LAMC3: variants seen among roughly 807,000 people sequenced by gnomAD.
The protein encoded by LAMC3 is laminin subunit gamma 3.
A neutral mutation model predicts 173.8 loss-of-function variants in LAMC3; 128 were observed. The observed-to-expected ratio is 0.74, with a 90% CI of 0.64 to 0.85. The LOEUF is 0.85. LAMC3 is among the 40% of genes least tolerant of loss of function. The pLI is 0.00. For synonymous variants in LAMC3, 897 were observed against 909.1 expected, an observed-to-expected ratio of 0.99 and a Z score of 0.24; for missense variants, 2,022 against 2,156.0, an observed-to-expected ratio of 0.94 and a Z score of 1.23.
intron 1 of LAMC3, among the ~76,000 whole-genome samples, chr9:131,018,792 G>C (rs1039773946): frequency 1.3e-5 from 2 of 152,310 alleles, no homozygotes; most frequent in Admixed American, 1.3e-4. Flanking sequence ...CTGCCAGCCT[G>C]AACTACAGGC....
intron 14 of LAMC3, 88 bp downstream of exon 14, chr9:131,067,293 G>T: frequency 6.5e-7 from 1 of 1,534,864 alleles, no homozygotes. Flanking sequence ...GGTGGCTGAG[G>T]AACCCACCAG....
chr9:131,033,021 C>T (rs1318958714), intron 3 of LAMC3, among the ~76,000 whole-genome samples: 2 of 152,212 alleles, frequency 1.3e-5, no homozygotes, highest in Admixed American at 6.5e-5. Flanking sequence ...CTCTCTGGCC[C>T]GTGGTCCTGG....
Position 131,026,552 on chromosome 9 carries a change from C to A in LAMC3, c.641C>A (p.Pro214His). The A allele has an allele frequency of 2.5e-6, 4 of 1,607,686 alleles. No individual in the cohort carries two copies. In the South Asian group the frequency reaches 4.4e-5, roughly 18 times the overall value. ...NVAFSTLEGR[P>H]SAYNFEESPG... ...GCCTTCTCCACCCTGGAGGGCCGGC[C>A]CAGCGCCTACAACTTCGAGGAGAGC... Residue 214 changes from proline (P) to histidine (H), a missense_variant, in exon 2 of 28, where the codon CCC becomes CAC. Coordinates refer to ENST00000361069, the MANE Select transcript of LAMC3 (RefSeq NM_006059.4). This position sits in a 1 kb window ranked among gnomAD's most constrained non-coding sequence, Gnocchi z 4.8.
At chr9:131,082,529 G>A (rs2133345162) in intron 24 of LAMC3, among the ~76,000 whole-genome samples, 1 of 152,294 alleles carries the variant, frequency 6.6e-6, no homozygotes, top group South Asian at 2.1e-4. Context: ...GTTGAGTTGG[G>A]GCTATGGGAA....
rs1318853603 is a variant in LAMC3 at position 131,009,240 on chromosome 9, G to GGCTGGCGCT, written c.33_41dup (p.Leu12_Ala14dup). ...ATGGCGGCGGCTGCGCTTCTGCTGG[G>GGCTGGCGCT]GCTGGCGCTGCTGGCACCGCGGGCG... On this transcript the variant is annotated inframe_insertion, in exon 1 of 28. Transcript: ENST00000361069. This position sits in a 1 kb window ranked among gnomAD's most constrained non-coding sequence, Gnocchi z 4.3. The GGCTGGCGCT allele has an allele frequency of 7.9e-7, 1 of 1,272,818 alleles. No individual in the cohort carries two copies. The highest frequency in any genetic ancestry group is 1.6e-5 in the African/African-American group (1 of 63,666). 78.8% of individuals were successfully genotyped at this position (1,272,818 alleles called of 1,614,324 possible).
In LAMC3 at chr9:131,072,630, G is replaced by T. The variant is rs1348743522; in HGVS notation, c.3212G>T (p.Gly1071Val). ...CCCCTGGGCTGTGGGCTTCCCATAG[G>T]GGCTCGGGAAGCCTTCCTGGAGCAG... is the stretch of plus-strand genomic sequence containing the variant. ...DVYQGHHLLPGAREAFLEQMM... is the reference protein window; with the variant it reads ...DVYQGHHLLPVAREAFLEQMM... The change falls in exon 19 of 28, where the codon GGG becomes GTG. Residue 1071 changes from glycine to valine, a missense_variant and splice_region_variant. Gly to Val is a moderately radical substitution (Grantham distance 109, BLOSUM62 -3). Transcript: ENST00000361069. The T allele has an allele frequency of 6.2e-7, 1 of 1,608,138 alleles. No homozygotes were observed. Among genetic ancestry groups the T allele is most frequent in the South Asian group, 1.1e-5 (1 of 90,024 alleles).
intron 1 of LAMC3, among the ~76,000 whole-genome samples, chr9:131,023,642 C>T (rs1421754189): frequency 6.6e-6 from 1 of 152,150 alleles, no homozygotes; most frequent in Non-Finnish European, 1.5e-5. Flanking sequence ...GAGTCTCACT[C>T]GGTTGCCCAG....
chr9:131,081,101 G>C lies in LAMC3; in HGVS notation c.3928-958G>C, dbSNP rs575495645. ...CCGGGCAGCCTCCACTCTGTTCTCT[G>C]TCTCTGTAGATTTCCTTAGTCCAGC... On this transcript the variant is annotated intron_variant, in intron 23 of 27. Transcript: ENST00000361069. Among the ~76,000 whole-genome samples the C allele has an allele frequency of 2.3e-3, 349 of 152,224 alleles. 2 individuals carry two copies. Among genetic ancestry groups the C allele is most frequent in the Non-Finnish European group, 4.4e-3 (297 of 68,022 alleles).
In LAMC3 at chr9:131,026,068, A is replaced by T. The variant is rs988430858; in HGVS notation, c.374-217A>T. Among the ~76,000 whole-genome samples the T allele has an allele frequency of 6.6e-6, 1 of 152,280 alleles. No homozygotes were observed. Among genetic ancestry groups the T allele is most frequent in the Middle Eastern group, 3.4e-3 (1 of 294 alleles). On this transcript the variant is annotated intron_variant, in intron 1 of 27. Coordinates refer to ENST00000361069, the MANE Select transcript of LAMC3 (RefSeq NM_006059.4). The surrounding 1 kb of genome is among the most constrained non-coding windows in gnomAD (Gnocchi z 4.8). Reference sequence around the variant, plus strand: ...GCAGGGTGGCGAGTTGACCCAGAAGAGGGACAGCAAATACTTGGGAAGCAT... The same window carrying T: ...GCAGGGTGGCGAGTTGACCCAGAAGTGGGACAGCAAATACTTGGGAAGCAT...
At position 131,066,973 on chromosome 9, in the gene LAMC3, G is replaced by A. The variant is rs202008283; in HGVS notation, c.2361G>A (p.Glu787=). Residue 787 remains glutamate, a synonymous_variant, in exon 14 of 28, where the codon GAG becomes GAA. Transcript: ENST00000361069. Reference sequence around the variant, plus strand: ...CTCTACACACAGGGCGGCGCTGTGAGGTCTGTGATGATGGCTTTTTTGGGG... The same window carrying A: ...CTCTACACACAGGGCGGCGCTGTGAAGTCTGTGATGATGGCTTTTTTGGGG... ...CPPGQRGRRC[E]VCDDGFFGDP... The A allele has an allele frequency of 4.1e-5, 66 of 1,613,942 alleles. 1 individual carries two copies. The South Asian group carries it at 5.3e-4, about 13-fold the overall frequency.
intron 24 of LAMC3, among the ~76,000 whole-genome samples, chr9:131,083,672 C>G (rs1301553668): frequency 6.6e-6 from 1 of 152,078 alleles, no homozygotes; most frequent in Non-Finnish European, 1.5e-5. Flanking sequence ...TTGACACTTC[C>G]CCCTAACGTT....
intron 1 of LAMC3, among the ~76,000 whole-genome samples, chr9:131,023,750 G>A (rs983613529): frequency 4.6e-5 from 7 of 152,096 alleles, no homozygotes; most frequent in Non-Finnish European, 5.9e-5. Flanking sequence ...TTGGAGGCAC[G>A]GGCCACCATG....
At position 131,079,286 on chromosome 9, in the gene LAMC3, A is replaced by G. The variant is rs1334336961; in HGVS notation, c.3915A>G (p.Glu1305=). Residue 1305 remains glutamate (E), a synonymous_variant, in exon 23 of 28, where the codon GAA becomes GAG. Coordinates refer to ENST00000361069, the MANE Select transcript of LAMC3 (RefSeq NM_006059.4). ...TAAQATLRQT[E]PLTKLHQEAR... ...CCCAGGCGACGCTACGGCAAACAGA[A>G]CCCCTCACAAAGGTCAGCTCTTGTG... 1 of 1,614,100 alleles carries G rather than the reference A, an allele frequency of 6.2e-7. No individual in the cohort carries two copies. Among genetic ancestry groups the G allele is most frequent in the Admixed American group, 1.7e-5 (1 of 60,022 alleles).
intron 21 of LAMC3, 79 bp downstream of exon 21, chr9:131,076,044 T>C: frequency 7.2e-7 from 1 of 1,390,756 alleles, no homozygotes; most frequent in Non-Finnish European, 9.7e-7. Context: ...AGGCTGCTGG[T>C]TCCAGAGCCA....
chr9:131,010,873 C>T lies in LAMC3; in HGVS notation c.373+1286C>T, dbSNP rs549033633. On this transcript the variant is annotated intron_variant, in intron 1 of 27. Coordinates refer to ENST00000361069, the MANE Select transcript of LAMC3 (RefSeq NM_006059.4). ...ACTGCAGGGAGCTGGAATGCTCTCT[C>T]CTCCCTCCGTGTTCAGCCCGATTCC... Among the ~76,000 whole-genome samples, 17 of 152,320 alleles carry T rather than the reference C, an allele frequency of 1.1e-4. 2 individuals carry two copies. In the East Asian group the frequency reaches 2.7e-3, roughly 24 times the overall value.
intron 23 of LAMC3, 75 bp from the exon 24 acceptor site, chr9:131,081,984 T>G: frequency 9.2e-7 from 1 of 1,084,160 alleles, no homozygotes; most frequent in Non-Finnish European, 1.4e-6. Flanking sequence ...GTATGTGGGT[T>G]TGGTGCCCAC....
Position 131,092,766 on chromosome 9 carries a change from C to G in LAMC3, c.*979C>G, listed in dbSNP as rs1830446836. 1 of 152,378 alleles carries G rather than the reference C, an allele frequency of 6.6e-6. No individual in the cohort carries two copies. Among genetic ancestry groups the G allele is most frequent in the East Asian group, 1.9e-4 (1 of 5,194 alleles). 9.4% of individuals were successfully genotyped at this position (152,378 alleles called of 1,614,324 possible). A position where few individuals can be genotyped will look rare whatever the true frequency, so the allele number is the denominator to read the frequency against. ...CAGCCCTGCGGCACCACTTGCCATG[C>G]GGGAGGCCACCAGGGTGTGCAAGCC... On this transcript the variant is annotated 3_prime_UTR_variant, in exon 28 of 28. Transcript: ENST00000361069.
chr9:131,052,537 A>G lies in LAMC3; in HGVS notation c.1677A>G (p.Ile559Met), dbSNP rs1834310852. 2 of 1,613,994 alleles carry G rather than the reference A, an allele frequency of 1.2e-6. No individual in the cohort carries two copies. The highest frequency in any genetic ancestry group is 1.7e-5 in the Admixed American group (1 of 59,994). ...DQRFSYGQPLILTFRVPPGDS... is the reference protein window; with the variant it reads ...DQRFSYGQPLMLTFRVPPGDS... ...GGTTCAGCTATGGGCAGCCCCTCAT[A>G]CTGACCTTCCGGGTGCCCCCCGGGG... is the stretch of plus-strand genomic sequence containing the variant. The change falls in exon 10 of 28, where the codon ATA becomes ATG. Residue 559 changes from isoleucine to methionine, a missense_variant. Coordinates refer to ENST00000361069, the MANE Select transcript of LAMC3 (RefSeq NM_006059.4).
intron 2 of LAMC3, among the ~76,000 whole-genome samples, chr9:131,031,634 G>T (rs1833826223): frequency 6.6e-6 from 1 of 152,202 alleles, no homozygotes. Flanking sequence ...GAAAAGCCAG[G>T]TGACCTGCAC....
Sources: gnomAD v4.1 joint callset for allele counts (sites outside exome capture counted in the v4.1 genomes callset) on GRCh38, gnomAD v4.1.1 for gene constraint, Gnocchi (gnomAD v3.1) non-coding constraint, MANE v1.5 for transcripts, NCBI Gene and HGNC (gene_info 2026-07-23, HGNC 2026-07-21) for gene names.